Variants in BCAS3 observed in about 807,000 individuals in gnomAD.
BCAS3 encodes BCAS4/BCAS3 fusion.
Under a neutral mutation model 116.1 loss-of-function variants are expected in BCAS3, and 53 were observed. The ratio of observed to expected loss-of-function variants is 0.46; its 90% CI spans 0.37 to 0.57. The LOEUF is 0.57. Among genes scored for constraint, BCAS3 ranks in the 20% least tolerant of loss-of-function variants. The pLI is 0.00. For missense variants in BCAS3, 917 were observed against 1,165.4 expected, an observed-to-expected ratio of 0.79 and a Z score of 3.10; for synonymous variants, 391 against 408.2, an observed-to-expected ratio of 0.96 and a Z score of 0.51.
At chr17:61,312,668 T>C (rs2054408411) in intron 22 of BCAS3, among the ~76,000 whole-genome samples, 1 of 152,160 alleles carries the variant, frequency 6.6e-6, no homozygotes, top group Non-Finnish European at 1.5e-5. Flanking sequence ...CTCGGGATGC[T>C]GGTTTCCATG....
intron 14 of BCAS3, among the ~76,000 whole-genome samples, chr17:60,978,041 G>T (rs910675603): frequency 7.5e-6 from 1 of 134,104 alleles, no homozygotes. Flanking sequence ...TGGGTCAAAT[G>T]GTATTTCTAG....
intron 9 of BCAS3, among the ~76,000 whole-genome samples, chr17:60,876,541 A>G (rs1309235132): frequency 6.6e-6 from 1 of 152,144 alleles, no homozygotes; most frequent in East Asian, 1.9e-4. Flanking sequence ...GATTTTCAAC[A>G]TACTTTGCAA....
chr17:61,322,794 C>CAGAGAGAG (rs35581770), intron 22 of BCAS3, among the ~76,000 whole-genome samples: 62 of 99,684 alleles, frequency 6.2e-4, no homozygotes, highest in African/African-American at 2.2e-3. Flanking sequence ...GAGAGAGAGA[C>CAGAGAGAG]AGAGAGAGAG....
chr17:60,924,518 C>CCGACAT lies in BCAS3; in HGVS notation c.1087+18_1087+19insCGACAT. 9.1e-7 allele frequency: 1 copy of CCGACAT among 1,100,120 alleles called. No homozygotes were observed. The highest frequency in any genetic ancestry group is 1.2e-6 in the Non-Finnish European group (1 of 801,692). The allele number at this position is 1,100,120 out of a possible 1,614,324, so 68.1% of individuals were successfully genotyped here. ...TACAAGTGGTAAGTTCGCTCTCTGTCTTTTTTTTTTTTTTTTTTGTAGACC... is the reference window on the plus strand; with the variant it reads ...TACAAGTGGTAAGTTCGCTCTCTGTCCGACATTTTTTTTTTTTTTTTTTTGTAGACC... On this transcript the variant is annotated intron_variant, in intron 13 of 23. Coordinates refer to ENST00000407086, the MANE Select transcript of BCAS3 (RefSeq NM_017679.5).
chr17:60,761,630 T>C (rs879767651), intron 6 of BCAS3, among the ~76,000 whole-genome samples: 1 of 152,132 alleles, frequency 6.6e-6, no homozygotes, highest in Admixed American at 6.6e-5. Flanking sequence ...GTTGGTTCCA[T>C]GTATTTGCTT....
rs2076503172 is a variant in BCAS3, at chr17:61,134,326, C to T, written c.2425+49762C>T. On this transcript the variant is annotated intron_variant, in intron 22 of 23. Coordinates refer to ENST00000407086, the MANE Select transcript of BCAS3 (RefSeq NM_017679.5). The surrounding 1 kb of genome is among the most constrained non-coding windows in gnomAD (Gnocchi z 4.6). ...TGTGCTCAGACTTTATGAGCATTGT[C>T]TCATTTTTCATCGTTTTATAAATTA... 6.6e-6 allele frequency among the ~76,000 whole-genome samples: 1 copy of T among 152,100 alleles called. No homozygotes were observed. The highest frequency in any genetic ancestry group is 1.5e-5 in the Non-Finnish European group (1 of 68,028).
intron 5 of BCAS3, among the ~76,000 whole-genome samples, chr17:60,734,167 A>T (rs2040737750): frequency 6.6e-6 from 1 of 152,178 alleles, no homozygotes; most frequent in South Asian, 2.1e-4. Context: ...TTGCTTTACT[A>T]CCCAGGCTTC....
intron 6 of BCAS3, among the ~76,000 whole-genome samples, chr17:60,759,234 T>TTA (rs1165088844): frequency 6.6e-6 from 1 of 152,202 alleles, no homozygotes; most frequent in Non-Finnish European, 1.5e-5. Context: ...TTTAATGGCC[T>TTA]TATATAGTCT....
rs559009391 is a variant in BCAS3, at chr17:61,039,594, T to C, written c.1929-1198T>C. On this transcript the variant is annotated intron_variant, in intron 18 of 23. Coordinates refer to ENST00000407086, the MANE Select transcript of BCAS3 (RefSeq NM_017679.5). ...CTAGCCACCACGCCAGCTAATTTTT[T>C]GTATTTTTACTAGAGACAGGGTTTC... Among the ~76,000 whole-genome samples the C allele has an allele frequency of 4.6e-5, 7 of 152,256 alleles. No individual in the cohort carries two copies. In the East Asian group the frequency reaches 1.4e-3, roughly 29 times the overall value.
intron 14 of BCAS3, chr17:60,980,464 C>T (rs1006321456): frequency 2.0e-5 from 3 of 150,888 alleles, no homozygotes; most frequent in African/African-American, 7.3e-5. Flanking sequence ...CTTTATTTAT[C>T]AGATGTATTA....
At chr17:61,234,185 G>A (rs2082856909) in intron 22 of BCAS3, among the ~76,000 whole-genome samples, 2 of 152,082 alleles carry the variant, frequency 1.3e-5, no homozygotes, top group African/African-American at 4.8e-5. Flanking sequence ...ATGCAGAATG[G>A]GGAAGTAAAT....
intron 14 of BCAS3, among the ~76,000 whole-genome samples, chr17:60,976,067 C>T (rs1189534601): frequency 6.1e-5 from 7 of 114,446 alleles, no homozygotes; most frequent in African/African-American, 1.3e-4. Flanking sequence ...CTTGCTCTGT[C>T]GCCCAGGCTG....
chr17:60,989,764 C>T (rs2063404762), intron 14 of BCAS3, among the ~76,000 whole-genome samples: 1 of 152,148 alleles, frequency 6.6e-6, no homozygotes, highest in Non-Finnish European at 1.5e-5. Context: ...GTATCCCTGA[C>T]TATTGAAGTA....
intron 22 of BCAS3, among the ~76,000 whole-genome samples, chr17:61,288,326 T>C (rs944535670): frequency 1.3e-5 from 2 of 152,132 alleles, no homozygotes; most frequent in African/African-American, 4.8e-5. Context: ...TCAGTCTTAC[T>C]TCTTGACCTG....
In BCAS3 at chr17:60,816,920, G is replaced by T. The variant is rs534290114; in HGVS notation, c.476+8844G>T. 7.2e-5 allele frequency among the ~76,000 whole-genome samples: 11 copies of T among 152,312 alleles called. No individual in the cohort carries two copies. The South Asian group carries it at 2.3e-3, about 32-fold the overall frequency. ...AGGGTTATAGCAGGCAGTTTCAGCA[G>T]CTGGGCTTTACGGCTAATTTTTGGA... On this transcript the variant is annotated intron_variant, in intron 7 of 23. Transcript: ENST00000407086.
intron 6 of BCAS3, among the ~76,000 whole-genome samples, chr17:60,793,823 G>T (rs1268155430): frequency 1.3e-5 from 2 of 151,980 alleles, no homozygotes; most frequent in Admixed American, 6.6e-5. Context: ...TGGGCATTTG[G>T]GTTGGCTCCA....
At chr17:61,060,416 C>G (rs112814179) in intron 19 of BCAS3, among the ~76,000 whole-genome samples, 1 of 151,832 alleles carries the variant, frequency 6.6e-6, no homozygotes, top group Non-Finnish European at 1.5e-5. Context: ...ATTACAGGCG[C>G]GAGCCACTGC....
chr17:60,980,324 C>T (rs1439422343), intron 14 of BCAS3, among the ~76,000 whole-genome samples: 1 of 152,060 alleles, frequency 6.6e-6, no homozygotes, highest in Non-Finnish European at 1.5e-5. Context: ...TTTAGCCATT[C>T]TTTTCGGTAT....
rs796426968 is a variant in BCAS3 at position 61,200,136 on chromosome 17, T to C, written c.2425+115572T>C. Among the ~76,000 whole-genome samples the C allele has an allele frequency of 3.9e-5, 6 of 152,352 alleles. No individual in the cohort carries two copies. Among genetic ancestry groups the C allele is most frequent in the Admixed American group, 1.3e-4 (2 of 15,304 alleles). On this transcript the variant is annotated intron_variant, in intron 22 of 23. Coordinates refer to ENST00000407086, the MANE Select transcript of BCAS3 (RefSeq NM_017679.5). This position sits in a 1 kb window ranked among gnomAD's most constrained non-coding sequence, Gnocchi z 5.1. ...GCCAGTTTGAAGTTGCCCCCCTTCA[T>C]TTCTTATCCTCTTTATAAAAAACAA...
Sources: gnomAD v4.1 joint callset for allele counts (sites outside exome capture counted in the v4.1 genomes callset) on GRCh38, gnomAD v4.1.1 for gene constraint, Gnocchi (gnomAD v3.1) non-coding constraint, MANE v1.5 for transcripts, NCBI Gene and HGNC (gene_info 2026-07-23, HGNC 2026-07-21) for gene names.